SYNE2: variants seen among roughly 807,000 people sequenced by gnomAD.
SYNE2 encodes the protein spectrin repeat containing nuclear envelope protein 2, also known as nesprin-2.
SYNE2 carries 431 observed loss-of-function variants against 856.3 expected under a neutral mutation model. The ratio of observed to expected loss-of-function variants is 0.50; its 90% CI spans 0.47 to 0.55. The LOEUF is 0.55. SYNE2 is among the 20% of genes least tolerant of loss of function. SYNE2 has a pLI of 0.00. For missense variants in SYNE2, 8,129 were observed against 8,023.2 expected, an observed-to-expected ratio of 1.01 and a Z score of -0.50; for synonymous variants, 2,923 against 2,872.3, an observed-to-expected ratio of 1.02 and a Z score of -0.56.
intron 85 of SYNE2, among the ~76,000 whole-genome samples, chr14:64,154,110 A>C (rs1374336940): frequency 2.6e-5 from 4 of 151,736 alleles, no homozygotes; most frequent in African/African-American, 2.4e-5. Flanking sequence ...GTGGGAGATC[A>C]TTTGAGGCAA....
chr14:63,892,500 T>G (rs1759391120), intron 1 of SYNE2, among the ~76,000 whole-genome samples: 1 of 151,848 alleles, frequency 6.6e-6, no homozygotes, highest in African/African-American at 2.4e-5. Context: ...GGAAGATATT[T>G]GAAGTCAATT....
At chr14:63,815,095 TATATATCCACAC>T (rs1412654441) in intron 1 of SYNE2, among the ~76,000 whole-genome samples, 4 of 135,974 alleles carry the variant, frequency 2.9e-5, no homozygotes, top group African/African-American at 8.3e-5. Context: ...TATATGCACA[TATATATCCACAC>T]ATATATCCAT....
chr14:64,146,724 A>G (rs969108377), intron 84 of SYNE2, among the ~76,000 whole-genome samples: 5 of 152,218 alleles, frequency 3.3e-5, no homozygotes, highest in Non-Finnish European at 7.3e-5. Context: ...TGGTTCAGCT[A>G]TGCTTTGCCG....
chr14:63,860,702 G>C (rs969695698), intron 1 of SYNE2, among the ~76,000 whole-genome samples: 1 of 152,096 alleles, frequency 6.6e-6, no homozygotes, highest in African/African-American at 2.4e-5. Context: ...CTTCTCTATC[G>C]GGCTGTGTAA....
intron 45 of SYNE2, among the ~76,000 whole-genome samples, chr14:64,037,949 C>T (rs559762767): frequency 6.6e-6 from 1 of 151,672 alleles, no homozygotes; most frequent in Non-Finnish European, 1.5e-5. Context: ...GCTGACCCCC[C>T]CACCTCCCTC....
intron 1 of SYNE2, among the ~76,000 whole-genome samples, chr14:63,785,279 CA>C (rs1165593755): frequency 6.6e-6 from 1 of 151,884 alleles, no homozygotes; most frequent in East Asian, 1.9e-4. Flanking sequence ...AGAAACATGG[CA>C]AAACCCCGTC....
chr14:64,159,344 G>A lies in SYNE2; in HGVS notation c.15996G>A (p.Gly5332=). The part of the protein sequence containing the change: ...SLQDEAESSE[G]SWEKLQEVIG... ...AAGATGAAGCTGAGAGCAGTGAAGGGAGTTGGGAGAAACTCCAGGAGGTTA... is the reference window on the plus strand; with the variant it reads ...AAGATGAAGCTGAGAGCAGTGAAGGAAGTTGGGAGAAACTCCAGGAGGTTA... The change falls in exon 87 of 116, where the codon GGG becomes GGA. Residue 5332 remains glycine, a synonymous_variant. Transcript: ENST00000555002. 6.2e-7 allele frequency: 1 copy of A among 1,613,988 alleles called. No homozygotes were observed. Among genetic ancestry groups the A allele is most frequent in the Non-Finnish European group, 8.5e-7 (1 of 1,179,902 alleles).
intron 1 of SYNE2, among the ~76,000 whole-genome samples, chr14:63,775,236 A>G (rs1887067396): frequency 1.3e-5 from 2 of 151,950 alleles, no homozygotes; most frequent in Admixed American, 1.3e-4. Context: ...CGGCCTCCCA[A>G]AGTGCTGGGT....
intron 85 of SYNE2, among the ~76,000 whole-genome samples, chr14:64,153,996 C>T (rs2098266158): frequency 6.6e-6 from 1 of 151,930 alleles, no homozygotes; most frequent in South Asian, 2.1e-4. Context: ...GAAGTTAGAC[C>T]TCTGCATTCA....
intron 70 of SYNE2, among the ~76,000 whole-genome samples, chr14:64,123,975 C>T (rs769136115): frequency 6.6e-6 from 1 of 151,076 alleles, no homozygotes; most frequent in Non-Finnish European, 1.5e-5. Context: ...GAGCCTGAGG[C>T]GTGTGGATCA....
chr14:64,002,880 A>G lies in SYNE2; in HGVS notation c.3947A>G (p.Gln1316Arg), dbSNP rs760602304. The G allele has an allele frequency of 6.2e-7, 1 of 1,614,240 alleles. No individual in the cohort carries two copies. The highest frequency in any genetic ancestry group is 1.1e-5 in the South Asian group (1 of 91,082). ...TQFEGMNHRV[Q>R]RSEDTLKALE... ...TTTGAAGGAATGAACCACAGGGTGCAGAGGAGTGAAGATACTCTCAAAGCT... is the reference window on the plus strand; with the variant it reads ...TTTGAAGGAATGAACCACAGGGTGCGGAGGAGTGAAGATACTCTCAAAGCT... The change falls in exon 30 of 116, where the codon CAG (glutamine) becomes CGG (arginine). Residue 1316 changes from glutamine (Q) to arginine (R), a missense_variant. By Grantham distance (43) the Gln-to-Arg change is conservative. This residue lies in a region of SYNE2 where 2,422 missense variants were observed against 2,357.4 expected (regional missense o/e 1.03). Transcript: ENST00000555002.
upstream of SYNE2, among the ~76,000 whole-genome samples, chr14:63,848,614 G>A (rs895898070): frequency 5.3e-5 from 8 of 152,066 alleles, no homozygotes; most frequent in Non-Finnish European, 8.8e-5. Flanking sequence ...TCTAATTCAG[G>A]GACGGACACT....
rs111883058 is a variant in SYNE2, at chr14:64,089,370, A to G, written c.11671-204A>G. 1.5e-3 allele frequency among the ~76,000 whole-genome samples: 23 copies of G among 15,276 alleles called. No individual in the cohort carries two copies. In the South Asian group the frequency reaches 0.015, roughly 10 times the overall value. 10.0% of individuals were successfully genotyped at this position (15,276 alleles called of 152,430 possible). The stretch of plus-strand genomic sequence containing the variant: ...AACAAGAGCGAAACTCCGTCTCAGG[A>G]AAAAAAAAAAAAAAAAAAAAAAAAA... On this transcript the variant is annotated intron_variant, in intron 58 of 115. Transcript: ENST00000555002.
At position 64,042,006 on chromosome 14, in the gene SYNE2, T is replaced by C. The variant is rs188557110; in HGVS notation, c.7222-5994T>C. Among the ~76,000 whole-genome samples the C allele has an allele frequency of 1.0e-3, 158 of 152,282 alleles. 1 individual carries two copies. The highest frequency in any genetic ancestry group is 3.5e-3 in the African/African-American group (144 of 41,558). On this transcript the variant is annotated intron_variant, in intron 45 of 115. Transcript: ENST00000555002. ...CAGTAATTTTTACTCTACATAGATATCTTAAGGAACTCCACACATGCACAA... is the reference window on the plus strand; with the variant it reads ...CAGTAATTTTTACTCTACATAGATACCTTAAGGAACTCCACACATGCACAA...
Position 64,025,037 on chromosome 14 carries a change from G to A in SYNE2, c.5960+6G>A, listed in dbSNP as rs886042273. 2 of 1,613,914 alleles carry A rather than the reference G, an allele frequency of 1.2e-6. No homozygotes were observed. The highest frequency in any genetic ancestry group is 1.7e-6 in the Non-Finnish European group (2 of 1,179,958). On this transcript the variant is annotated splice_donor_region_variant and intron_variant, in intron 40 of 115. Coordinates refer to ENST00000555002, the MANE Select transcript of SYNE2 (RefSeq NM_182914.3). ...CAAGCTTTAGCTAGAAAGAGGTATA[G>A]CTGATCTTGTATGAAATACATTACC...
intron 1 of SYNE2, among the ~76,000 whole-genome samples, chr14:63,794,458 G>A (rs762113291): frequency 1.3e-5 from 2 of 152,032 alleles, no homozygotes; most frequent in Non-Finnish European, 2.9e-5. Context: ...CTAAAGTGCT[G>A]GGATTACAGA....
At chr14:64,032,910 C>G (rs1349848870) in intron 45 of SYNE2, among the ~76,000 whole-genome samples, 1 of 152,190 alleles carries the variant, frequency 6.6e-6, no homozygotes, top group Non-Finnish European at 1.5e-5. Flanking sequence ...GCTCACACCA[C>G]TAATCTCGGC....
chr14:64,161,230 C>G (rs765289181), intron 87 of SYNE2, among the ~76,000 whole-genome samples: 28 of 151,716 alleles, frequency 1.8e-4, no homozygotes, highest in Non-Finnish European at 3.7e-4. Flanking sequence ...GTGGTCCTAG[C>G]TACTTGTGGG....
intron 41 of SYNE2, among the ~76,000 whole-genome samples, chr14:64,025,861 C>G (rs1417146230): frequency 6.6e-6 from 1 of 152,130 alleles, no homozygotes; most frequent in Non-Finnish European, 1.5e-5. Context: ...AAGGAAGTCT[C>G]AAGCTCCCTT....
Sources: gnomAD v4.1 joint callset for allele counts (sites outside exome capture counted in the v4.1 genomes callset) on GRCh38, gnomAD v4.1.1 for gene constraint, gnomAD v4.1.1 regional missense constraint, MANE v1.5 for transcripts, NCBI Gene and HGNC (gene_info 2026-07-23, HGNC 2026-07-21) for gene names.